PHACTR3: variants seen among roughly 807,000 people sequenced by gnomAD.
PHACTR3 encodes protein phosphatase 1, regulatory subunit 123.
A neutral mutation model predicts 66.8 loss-of-function variants in PHACTR3; 16 were observed. That is an observed-to-expected ratio of 0.24 (90% CI 0.16 to 0.36). The LOEUF (loss-of-function observed/expected upper bound fraction) is 0.36, where lower values mean the gene tolerates loss of function less well. Ranked by LOEUF, PHACTR3 falls within the 10% of genes least tolerant of loss-of-function variation. The probability of loss-of-function intolerance (pLI) is 1.00; values close to 1 mark genes in which losing one functional copy is unlikely to be tolerated. For synonymous variants in PHACTR3, 323 were observed against 292.1 expected, an observed-to-expected ratio of 1.11 and a Z score of -1.08; for missense variants, 647 against 719.9, an observed-to-expected ratio of 0.90 and a Z score of 1.16.
At chr20:59,714,781 C>G (rs2038037980) in intron 1 of PHACTR3, among the ~76,000 whole-genome samples, 1 of 152,148 alleles carries the variant, frequency 6.6e-6, no homozygotes, top group African/African-American at 2.4e-5. Context: ...CAAATAAAAT[C>G]TTTAAAACAT....
chr20:59,759,032 C>T (rs551268794), intron 4 of PHACTR3, among the ~76,000 whole-genome samples: 1 of 152,318 alleles, frequency 6.6e-6, no homozygotes, highest in South Asian at 2.1e-4. Flanking sequence ...CATCTGTTGT[C>T]TTCATTGTCA....
intron 7 of PHACTR3, among the ~76,000 whole-genome samples, chr20:59,802,006 TGTCAGGCTGGGAGTGTGGTCGCTGGA>T (rs2041428014): frequency 6.6e-6 from 1 of 152,190 alleles, no homozygotes; most frequent in South Asian, 2.1e-4. Context: ...GAGCCACGAA[TGTCAGGCTGGGAGTGTGGTCGCTGGA>T]GTCAGGCCTT....
At chr20:59,580,120 C>T (rs1600857434) in intron 1 of PHACTR3, among the ~76,000 whole-genome samples, 3 of 152,044 alleles carry the variant, frequency 2.0e-5, no homozygotes, top group South Asian at 2.1e-4. Flanking sequence ...TAAAGGAGGT[C>T]ACTTGGGAGG....
intron 8 of PHACTR3, among the ~76,000 whole-genome samples, chr20:59,818,240 A>G (rs1239949666): frequency 6.6e-6 from 1 of 152,206 alleles, no homozygotes; most frequent in Non-Finnish European, 1.5e-5. Flanking sequence ...ACCTCCTGAC[A>G]TGCGCCTTAC....
At chr20:59,631,920 T>C (rs555773607) in intron 1 of PHACTR3, among the ~76,000 whole-genome samples, 2 of 152,070 alleles carry the variant, frequency 1.3e-5, no homozygotes, top group Non-Finnish European at 2.9e-5. Context: ...CCCTGTAGAG[T>C]GGCATCTGGC....
chr20:59,667,627 A>G (rs768737580), intron 1 of PHACTR3, among the ~76,000 whole-genome samples: 5 of 152,246 alleles, frequency 3.3e-5, no homozygotes, highest in Non-Finnish European at 7.3e-5. Flanking sequence ...AAATTCATGC[A>G]GAATCCTGAT....
intron 1 of PHACTR3, among the ~76,000 whole-genome samples, chr20:59,712,278 G>T (rs976180139): frequency 6.6e-6 from 1 of 152,142 alleles, no homozygotes; most frequent in South Asian, 2.1e-4. Flanking sequence ...TCTGCTATGC[G>T]TTGCATTGTT....
In PHACTR3 at chr20:59,841,413, G is replaced by T; in HGVS notation, c.1465G>T (p.Val489Phe). 1.2e-6 allele frequency: 2 copies of T among 1,612,936 alleles called. No homozygotes were observed. The highest frequency in any genetic ancestry group is 8.5e-7 in the Non-Finnish European group (1 of 1,179,368). Residue 489 changes from valine to phenylalanine, a missense_variant, in exon 11 of 13, where the codon GTT becomes TTT. Around this residue, in one of 2 missense-constraint regions of PHACTR3, gnomAD observed 70 missense variants for 148.8 expected, o/e 0.47. Coordinates refer to ENST00000371015, the MANE Select transcript of PHACTR3 (RefSeq NM_080672.5). The part of the protein sequence containing the change: ...LTRKLNQRPT[V>F]DELRDRKILI... ...ATTTTAGCTTAATCAGAGACCCACTGTTGATGAATTAAGAGACAGAAAAAT... is the reference window on the plus strand; with the variant it reads ...ATTTTAGCTTAATCAGAGACCCACTTTTGATGAATTAAGAGACAGAAAAAT...
chr20:59,798,623 A>G (rs1027679420), intron 7 of PHACTR3, among the ~76,000 whole-genome samples: 5 of 152,032 alleles, frequency 3.3e-5, no homozygotes, highest in Middle Eastern at 6.3e-3. Context: ...TTTTATATCA[A>G]TTGTCAAATT....
intron 1 of PHACTR3, among the ~76,000 whole-genome samples, chr20:59,631,613 A>G (rs992835374): frequency 1.3e-5 from 2 of 152,212 alleles, no homozygotes; most frequent in African/African-American, 4.8e-5. Flanking sequence ...GAAAAACCCG[A>G]ACATCCTTGG....
At chr20:59,812,879 T>A (rs1196240040) in intron 8 of PHACTR3, among the ~76,000 whole-genome samples, 1 of 152,088 alleles carries the variant, frequency 6.6e-6, no homozygotes, top group African/African-American at 2.4e-5. Context: ...GCTCTGCAGA[T>A]GAGGAGACTG....
chr20:59,755,338 C>A lies in PHACTR3; in HGVS notation c.515C>A (p.Ser172Tyr). The A allele has an allele frequency of 3.1e-6, 5 of 1,613,670 alleles. No individual in the cohort carries two copies. Among genetic ancestry groups the A allele is most frequent in the South Asian group, 1.1e-5 (1 of 91,078 alleles). ...TDQVSLDKPL[S>Y]SAAHLDDAAK... ...CAGGTCTCCCTGGACAAGCCACTGT[C>A]CTCAGCTGCCCACTTGGACGATGCA... is the stretch of plus-strand genomic sequence containing the variant. The change falls in exon 4 of 13, where the codon TCC (serine) becomes TAC (tyrosine). Residue 172 changes from serine to tyrosine, a missense_variant. Ser to Tyr is a moderately radical substitution (Grantham distance 144). Around this residue, in one of 2 missense-constraint regions of PHACTR3, gnomAD observed 577 missense variants for 571.1 expected, o/e 1.01. Transcript: ENST00000371015.
At chr20:59,845,314 A>G in intron 12 of PHACTR3, 49 bp downstream of exon 12, 1 of 1,206,034 alleles carries the variant, frequency 8.3e-7, no homozygotes, top group South Asian at 1.3e-5. Context: ...TGAAACACAC[A>G]CCGCCTTCCC....
intron 1 of PHACTR3, among the ~76,000 whole-genome samples, chr20:59,594,800 T>C (rs2033277635): frequency 6.6e-6 from 1 of 152,242 alleles, no homozygotes; most frequent in Admixed American, 6.5e-5. Context: ...AGTTATGCTC[T>C]AATTTTTTAT....
chr20:59,729,478 C>A (rs1203599445), intron 1 of PHACTR3, among the ~76,000 whole-genome samples: 2 of 152,120 alleles, frequency 1.3e-5, no homozygotes, highest in Non-Finnish European at 2.9e-5. Context: ...ACCAGAGACA[C>A]CTTAGTGTCC....
At chr20:59,805,725 G>A (rs1282927477) in intron 7 of PHACTR3, among the ~76,000 whole-genome samples, 3 of 152,190 alleles carry the variant, frequency 2.0e-5, no homozygotes, top group Admixed American at 6.5e-5. Flanking sequence ...AAACTCAGAC[G>A]TTTTTGAAAG....
chr20:59,809,157 A>C (rs2041659789), intron 8 of PHACTR3, among the ~76,000 whole-genome samples: 1 of 151,902 alleles, frequency 6.6e-6, no homozygotes, highest in Non-Finnish European at 1.5e-5. Flanking sequence ...AACTCCCACC[A>C]AAATCCTTAC....
At chr20:59,581,756 C>G (rs1014560533) in intron 1 of PHACTR3, among the ~76,000 whole-genome samples, 2 of 152,124 alleles carry the variant, frequency 1.3e-5, no homozygotes, top group Non-Finnish European at 2.9e-5. Flanking sequence ...TGGCAGGTGC[C>G]TGTAGTCCCA....
rs1313137313 is a variant in PHACTR3, at chr20:59,605,856, G to A, written c.118+724G>A. Reference sequence around the variant, plus strand: ...AAAGGCCTAATAAAGCGGGGGGGGAGGTGGGGGGGGGGGTGGGCTGTGTGC... The same window carrying A: ...AAAGGCCTAATAAAGCGGGGGGGGAAGTGGGGGGGGGGGTGGGCTGTGTGC... On this transcript the variant is annotated intron_variant, in intron 1 of 12. Coordinates refer to ENST00000371015, the MANE Select transcript of PHACTR3 (RefSeq NM_080672.5). Among the ~76,000 whole-genome samples the A allele has an allele frequency of 6.2e-4, 62 of 99,252 alleles. 1 individual carries two copies. The South Asian group carries it at 9.4e-3, about 15-fold the overall frequency. 65.1% of individuals were successfully genotyped at this position (99,252 alleles called of 152,430 possible).
Sources: allele counts gnomAD v4.1 joint callset (sites outside exome capture counted in the v4.1 genomes callset), GRCh38; gene constraint gnomAD v4.1.1; regional missense constraint gnomAD v4.1.1; transcripts MANE v1.5; gene names NCBI Gene and HGNC (gene_info 2026-07-23, HGNC 2026-07-21).